SEC11C: variants seen among roughly 807,000 people sequenced by gnomAD.
SEC11C encodes SEC11 homolog C, signal peptidase complex subunit.
In SEC11C, 10 loss-of-function variants were observed where a neutral mutation model predicts 21.9. The ratio of observed to expected loss-of-function variants is 0.46; its 90% CI spans 0.28 to 0.77. The LOEUF is 0.77. SEC11C is among the 30% of genes least tolerant of loss of function. The pLI, the probability that SEC11C is intolerant of heterozygous loss-of-function variation, is 0.12. For synonymous variants in SEC11C, 83 were observed against 85.6 expected (o/e 0.97, Z 0.17); for missense variants, 145 against 244.5 (o/e 0.59, Z 2.71).
At chr18:59,149,061 A>T (rs2069315168) in intron 1 of SEC11C, among the ~76,000 whole-genome samples, 1 of 152,202 alleles carries the variant, frequency 6.6e-6, no homozygotes, top group Non-Finnish European at 1.5e-5. Context: ...GCACTATAGG[A>T]CTCCAAAGCT....
chr18:59,149,393 G>A, intron 1 of SEC11C, 120 bp from the exon 2 acceptor site: 1 of 619,348 alleles, frequency 1.6e-6, no homozygotes, highest in Non-Finnish European at 3.0e-6. Flanking sequence ...TGTACCTTGT[G>A]TTAGTTTCCT....
In SEC11C at chr18:59,157,602, AT is replaced by A; in HGVS notation, c.468-3del. 1 of 1,599,966 alleles carries A rather than the reference AT, an allele frequency of 6.3e-7. No homozygotes were observed. The highest frequency in any genetic ancestry group is 8.6e-7 in the Non-Finnish European group (1 of 1,167,486). ...TATATCTCTTGCTTTTTATCCCACA[AT>A]TTAGGTTTTTACCATATGTTGGTAT... On this transcript the variant is annotated splice_polypyrimidine_tract_variant and splice_region_variant and intron_variant, in intron 4 of 5. Transcript: ENST00000587834.
At chr18:59,158,570 C>T in intron 5 of SEC11C, 62 bp from the exon 6 acceptor site, 1 of 1,340,180 alleles carries the variant, frequency 7.5e-7, no homozygotes. Flanking sequence ...CATCTGAATA[C>T]ATTTACAGAC....
chr18:59,143,246 G>C (rs758195354), intron 1 of SEC11C, among the ~76,000 whole-genome samples: 25 of 150,964 alleles, frequency 1.7e-4, no homozygotes, highest in Non-Finnish European at 2.8e-4. Flanking sequence ...CCAGCTACTC[G>C]GCAGGCTGAG....
intron 1 of SEC11C, among the ~76,000 whole-genome samples, chr18:59,148,198 G>T (rs938681): frequency 6.6e-6 from 1 of 152,172 alleles, no homozygotes; most frequent in Non-Finnish European, 1.5e-5. Context: ...ACAACTGCAG[G>T]ATTGTGAAGA....
chr18:59,157,883 G>A (rs1353883067), intron 5 of SEC11C, among the ~76,000 whole-genome samples: 1 of 151,998 alleles, frequency 6.6e-6, no homozygotes, highest in African/African-American at 2.4e-5. Flanking sequence ...TTCTAAAATG[G>A]CATTTATCTA....
Position 59,155,804 on chromosome 18 carries a change from G to C in SEC11C, c.464G>C (p.Arg155Thr). 1.9e-6 allele frequency: 3 copies of C among 1,613,704 alleles called. No homozygotes were observed. The highest frequency in any genetic ancestry group is 2.5e-6 in the Non-Finnish European group (3 of 1,179,792). ...LEKKDVVGRA[R>T]GFLPYVGMVT... ...AAGAAGGACGTGGTGGGAAGAGCAAGAGGGTGAGGATTCACCTTTAAGTTA... is the reference window on the plus strand; with the variant it reads ...AAGAAGGACGTGGTGGGAAGAGCAACAGGGTGAGGATTCACCTTTAAGTTA... Residue 155 changes from arginine to threonine, a missense_variant, in exon 4 of 6, where the codon AGA becomes ACA. Coordinates refer to ENST00000587834, the MANE Select transcript of SEC11C (RefSeq NM_033280.4).
intron 1 of SEC11C, among the ~76,000 whole-genome samples, chr18:59,142,351 C>T (rs1480168882): frequency 6.7e-6 from 1 of 148,444 alleles, no homozygotes; most frequent in Non-Finnish European, 1.5e-5. Flanking sequence ...GGTACAAGTT[C>T]TTTACTGGCT....
chr18:59,153,903 C>G (rs1182463704), intron 3 of SEC11C, among the ~76,000 whole-genome samples: 1 of 152,046 alleles, frequency 6.6e-6, no homozygotes, highest in African/African-American at 2.4e-5. Context: ...GATGGGGTTT[C>G]ACCATGTTGG....
intron 4 of SEC11C, chr18:59,156,993 C>T (rs2069425004): frequency 1.3e-5 from 2 of 152,232 alleles, no homozygotes; most frequent in Non-Finnish European, 2.9e-5. Context: ...ACCTTGTTTC[C>T]CATGAGCAGA....
intron 3 of SEC11C, among the ~76,000 whole-genome samples, chr18:59,154,408 T>A (rs2069395986): frequency 6.6e-6 from 1 of 152,234 alleles, no homozygotes; most frequent in Admixed American, 6.5e-5. Context: ...TAGTGCATTC[T>A]TTTTTCATCT....
At chr18:59,142,224 G>A (rs1355000931) in intron 1 of SEC11C, among the ~76,000 whole-genome samples, 2 of 152,126 alleles carry the variant, frequency 1.3e-5, no homozygotes, top group African/African-American at 2.4e-5. Flanking sequence ...TTGTGTATTT[G>A]GACATTTCCT....
At chr18:59,154,864 T>G (rs1482177286) in intron 3 of SEC11C, among the ~76,000 whole-genome samples, 4 of 152,094 alleles carry the variant, frequency 2.6e-5, no homozygotes, top group Non-Finnish European at 4.4e-5. Flanking sequence ...TCAGGAGTTC[T>G]AGACCAGCCT....
At chr18:59,146,434 A>C (rs1026132600) in intron 1 of SEC11C, among the ~76,000 whole-genome samples, 1 of 152,216 alleles carries the variant, frequency 6.6e-6, no homozygotes, top group African/African-American at 2.4e-5. Flanking sequence ...TGATGGGACC[A>C]ATGCCAGCAT....
intron 2 of SEC11C, 106 bp downstream of exon 2, chr18:59,149,728 T>G (rs529497979): frequency 1.7e-6 from 1 of 580,508 alleles, no homozygotes; most frequent in Non-Finnish European, 3.1e-6. Context: ...CAGCTAAAAT[T>G]CAAGATTTTA....
chr18:59,155,577 C>T, intron 3 of SEC11C, 111 bp from the exon 4 acceptor site: 1 of 1,139,298 alleles, frequency 8.8e-7, no homozygotes, highest in Non-Finnish European at 1.2e-6. Context: ...TTATCTTTGA[C>T]TGTTTTTCTA....
intron 2 of SEC11C, among the ~76,000 whole-genome samples, chr18:59,151,220 A>C (rs2069348456): frequency 6.6e-6 from 1 of 152,056 alleles, no homozygotes; most frequent in Non-Finnish European, 1.5e-5. Flanking sequence ...AGTTCCCTTA[A>C]CCGTTACTTT....
Position 59,152,694 on chromosome 18 carries a change from G to A in SEC11C, c.347+9G>A. ...ATCAAAGTTCATGAAAAGTAAAGAG[G>A]CTTTATTTCCTTTTGGTTTTGTTAT... On this transcript the variant is annotated intron_variant, in intron 3 of 5. Transcript: ENST00000587834. 6.3e-7 allele frequency: 1 copy of A among 1,577,066 alleles called. No individual in the cohort carries two copies. The highest frequency in any genetic ancestry group is 2.3e-5 in the East Asian group (1 of 44,296).
At chr18:59,147,801 G>C (rs1245311634) in intron 1 of SEC11C, 2 of 152,374 alleles carry the variant, frequency 1.3e-5, no homozygotes, top group Non-Finnish European at 2.9e-5. Flanking sequence ...TCATTCCCTG[G>C]AGAGGGGAAC....
Sources: gnomAD v4.1 joint callset for allele counts (sites outside exome capture counted in the v4.1 genomes callset) on GRCh38, gnomAD v4.1.1 for gene constraint, MANE v1.5 for transcripts, NCBI Gene and HGNC (gene_info 2026-07-23, HGNC 2026-07-21) for gene names.